ZIC4: variants seen among roughly 807,000 people sequenced by gnomAD.
The protein encoded by ZIC4 is zinc finger protein ZIC 4.
A neutral mutation model predicts 28.8 loss-of-function variants in ZIC4; 15 were observed. The ratio of observed to expected loss-of-function variants is 0.52; its 90% CI spans 0.35 to 0.80. The LOEUF (loss-of-function observed/expected upper bound fraction) is 0.80. ZIC4 is among the 30% of genes least tolerant of loss of function. ZIC4 has a pLI of 0.01. For missense variants in ZIC4, 512 were observed against 467.1 expected (o/e 1.10, Z -0.89); for synonymous variants, 220 against 198.1 (o/e 1.11, Z -0.93).
At position 147,392,118 on chromosome 3, in the gene ZIC4, C is replaced by T. The variant is rs1482613579; in HGVS notation, c.689-872G>A. The T allele has an allele frequency of 1.2e-5, 12 of 985,526 alleles. No homozygotes were observed. The Admixed American group carries it at 4.9e-4, about 40-fold the overall frequency. 61.0% of individuals were successfully genotyped at this position (985,526 alleles called of 1,614,324 possible). Reference sequence around the variant, plus strand: ...TGTCGACCGGTCTGCCCAGACCACCCCCACCTGGCTGTCGGGCCTCTCGGT... The same window carrying T: ...TGTCGACCGGTCTGCCCAGACCACCTCCACCTGGCTGTCGGGCCTCTCGGT... On this transcript the variant is annotated intron_variant, in intron 3 of 4. Transcript: ENST00000383075.
Position 147,387,834 on chromosome 3 carries a change from C to G in ZIC4, c.*1025G>C, listed in dbSNP as rs2086822000. 1 of 152,464 alleles carries G rather than the reference C, an allele frequency of 6.6e-6. No homozygotes were observed. The highest frequency in any genetic ancestry group is 6.5e-5 in the Admixed American group (1 of 15,292). The allele number at this position is 152,464 out of a possible 1,614,324, so 9.4% of individuals were successfully genotyped here. ...AAGGGCACAGTCTGAACTCCTCAGA[C>G]TCCCCCAGGGTGGCTCCCTTCCCCC... On this transcript the variant is annotated 3_prime_UTR_variant, in exon 5 of 5. Transcript: ENST00000383075.
intron 1 of ZIC4, 111 bp from the exon 2 acceptor site, chr3:147,402,923 C>G: frequency 2.3e-6 from 2 of 870,106 alleles, no homozygotes; most frequent in Non-Finnish European, 3.5e-6. Flanking sequence ...ATCTGAAGAT[C>G]TTTCGGTCTT....
chr3:147,396,537 G>T lies in ZIC4; in HGVS notation c.71-68C>A, dbSNP rs1041027386. On this transcript the variant is annotated intron_variant, in intron 2 of 4. Transcript: ENST00000383075. The surrounding 1 kb of genome is among the most constrained non-coding windows in gnomAD (Gnocchi z 4.2). ...GGCTGCGCGCTCTTCCCTGGGCCCC[G>T]GGGGGCAGGCCCAGCCCTGCCGCAC... is the stretch of plus-strand genomic sequence containing the variant. 2.8e-5 allele frequency: 41 copies of T among 1,473,852 alleles called. 1 individual carries two copies. The South Asian group carries it at 5.7e-4, about 21-fold the overall frequency. 91.3% of individuals were successfully genotyped at this position (1,473,852 alleles called of 1,614,324 possible). A position where few individuals can be genotyped will look rare whatever the true frequency, so the allele number is the denominator to read the frequency against.
intron 3 of ZIC4, among the ~76,000 whole-genome samples, chr3:147,393,119 GC>G (rs2086960108): frequency 6.6e-6 from 1 of 151,632 alleles, no homozygotes; most frequent in Non-Finnish European, 1.5e-5. Flanking sequence ...AGAATTTGGT[GC>G]CCCTCCCCAA....
At position 147,395,987 on chromosome 3, in the gene ZIC4, A is replaced by G; in HGVS notation, c.553T>C (p.Phe185Leu). 1 of 1,614,234 alleles carries G rather than the reference A, an allele frequency of 6.2e-7. No homozygotes were observed. The highest frequency in any genetic ancestry group is 8.5e-7 in the Non-Finnish European group (1 of 1,180,058). ...WEECPRQGKP[F>L]KAKYKLVNHI... ...TTTACAAGTTTGTATTTGGCTTTGAAGGGCTTTCCCTGGCGCGGACACTCC... is the reference window on the plus strand; with the variant it reads ...TTTACAAGTTTGTATTTGGCTTTGAGGGGCTTTCCCTGGCGCGGACACTCC... Residue 185 changes from phenylalanine to leucine, a missense_variant, in exon 3 of 5, where the codon TTC (phenylalanine) becomes CTC (leucine). Phe to Leu is a conservative substitution (Grantham distance 22). Around this residue, in one of 3 missense-constraint regions of ZIC4, gnomAD observed 310 missense variants for 256.5 expected, o/e 1.21. Coordinates refer to ENST00000383075, the MANE Select transcript of ZIC4 (RefSeq NM_032153.6).
At chr3:147,390,535 CT>C (rs1559958548) in intron 4 of ZIC4, among the ~76,000 whole-genome samples, 8 of 152,044 alleles carry the variant, frequency 5.3e-5, no homozygotes, top group Admixed American at 1.3e-4. Flanking sequence ...AATTCTCCAA[CT>C]TTTTTTTCCA....
At position 147,386,832 on chromosome 3, in the gene ZIC4, A is replaced by G. The variant is rs1422655849; in HGVS notation, c.*2027T>C. 1.3e-5 allele frequency: 2 copies of G among 152,248 alleles called. No individual in the cohort carries two copies. The highest frequency in any genetic ancestry group is 2.9e-5 in the Non-Finnish European group (2 of 68,050). The allele number at this position is 152,248 out of a possible 1,614,324, so 9.4% of individuals were successfully genotyped here. A position where few individuals can be genotyped will look rare whatever the true frequency, so the allele number is the denominator to read the frequency against. On this transcript the variant is annotated 3_prime_UTR_variant, in exon 5 of 5. Coordinates refer to ENST00000383075, the MANE Select transcript of ZIC4 (RefSeq NM_032153.6). ...AATAAAATATCTCTCTCCTTCAGCT[A>G]TTCTCCTTCTTATTAACGGCAGAAA...
intron 4 of ZIC4, chr3:147,389,247 C>A (rs2086858552): frequency 4.3e-6 from 1 of 231,306 alleles, no homozygotes; most frequent in Non-Finnish European, 8.4e-6. Flanking sequence ...GAAAATAGTT[C>A]CACTCCAGTT....
intron 3 of ZIC4, chr3:147,392,998 C>G (rs1465459355): frequency 6.7e-6 from 1 of 150,344 alleles, no homozygotes; most frequent in African/African-American, 2.5e-5. Flanking sequence ...AAACCCAAAA[C>G]TTTCTTCCTT....
chr3:147,394,994 G>A (rs1038518704), intron 3 of ZIC4, among the ~76,000 whole-genome samples: 1 of 152,204 alleles, frequency 6.6e-6, no homozygotes, highest in African/African-American at 2.4e-5. Flanking sequence ...CAAAATGGGG[G>A]AGGGGAGAAG....
In ZIC4 at chr3:147,388,798, G is replaced by T. The variant is rs2086846569; in HGVS notation, c.*61C>A. On this transcript the variant is annotated 3_prime_UTR_variant, in exon 5 of 5. Coordinates refer to ENST00000383075, the MANE Select transcript of ZIC4 (RefSeq NM_032153.6). ...GCGCGGGCCCTTTGATGTAGCAGGC[G>T]CGAGATGCGGGGCGCTCAGCTGCGC... 1.3e-6 allele frequency: 1 copy of T among 769,172 alleles called. No homozygotes were observed. The highest frequency in any genetic ancestry group is 2.4e-6 in the Non-Finnish European group (1 of 414,610). The allele number at this position is 769,172 out of a possible 1,614,324, so 47.6% of individuals were successfully genotyped here.
At position 147,390,985 on chromosome 3, in the gene ZIC4, G is replaced by C; in HGVS notation, c.950C>G (p.Ser317Cys). 2.5e-6 allele frequency: 4 copies of C among 1,613,138 alleles called. No homozygotes were observed. Among genetic ancestry groups the C allele is most frequent in the Non-Finnish European group, 3.4e-6 (4 of 1,179,792 alleles). ...VSPSSDCGHK[S>C]QVASSAAVAA... The stretch of plus-strand genomic sequence containing the variant: ...CACCGCCGCCGAGGAGGCCACCTGG[G>C]ACTTGTGGCCGCAGTCCGACGAGGG... The change falls in exon 4 of 5, where the codon TCC (serine) becomes TGC (cysteine). Residue 317 changes from serine to cysteine, a missense_variant. This residue lies in a region of ZIC4 where 144 missense variants were observed against 116.8 expected (regional missense o/e 1.23). Transcript: ENST00000383075.
At position 147,388,791 on chromosome 3, in the gene ZIC4, A is replaced by G. The variant is rs200274981; in HGVS notation, c.*68T>C. On this transcript the variant is annotated 3_prime_UTR_variant, in exon 5 of 5. Coordinates refer to ENST00000383075, the MANE Select transcript of ZIC4 (RefSeq NM_032153.6). ...GCTTTGTGCGCGGGCCCTTTGATGT[A>G]GCAGGCGCGAGATGCGGGGCGCTCA... 10 of 766,034 alleles carry G rather than the reference A, an allele frequency of 1.3e-5. No individual in the cohort carries two copies. Among genetic ancestry groups the G allele is most frequent in the South Asian group, 8.4e-5 (6 of 71,512 alleles). The allele number at this position is 766,034 out of a possible 1,614,324, so 47.5% of individuals were successfully genotyped here.
rs2087050849 is a variant in ZIC4 at position 147,396,625 on chromosome 3, A to T, written c.71-156T>A. On this transcript the variant is annotated intron_variant, in intron 2 of 4. Transcript: ENST00000383075. This position sits in a 1 kb window ranked among gnomAD's most constrained non-coding sequence, Gnocchi z 4.2. ...ACAGCGCCAGCAGTGAACCCGGTGG[A>T]CAGAGCAAGGCCAAACACCTCCGCC... The T allele has an allele frequency of 1.0e-6, 1 of 1,002,620 alleles. No homozygotes were observed. The highest frequency in any genetic ancestry group is 3.6e-5 in the Admixed American group (1 of 28,060). 62.1% of individuals were successfully genotyped at this position (1,002,620 alleles called of 1,614,324 possible). A position where few individuals can be genotyped will look rare whatever the true frequency, so the allele number is the denominator to read the frequency against.
At chr3:147,393,020 A>C (rs942424438) in intron 3 of ZIC4, 1 of 84,630 alleles carries the variant, frequency 1.2e-5, no homozygotes, top group Non-Finnish European at 2.8e-5. Flanking sequence ...TTCTCTTTCA[A>C]AAAAAAAAAA....
intron 1 of ZIC4, chr3:147,404,290 G>C: frequency 7.1e-7 from 1 of 1,416,670 alleles, no homozygotes; most frequent in African/African-American, 1.4e-5. Flanking sequence ...TTCTCTCCCA[G>C]GTCCTGTCAG....
chr3:147,394,886 G>A (rs562868604), intron 3 of ZIC4, among the ~76,000 whole-genome samples: 1 of 152,304 alleles, frequency 6.6e-6, no homozygotes, highest in Non-Finnish European at 1.5e-5. Context: ...AAGAATAGGG[G>A]CGAGTAAGGC....
intron 1 of ZIC4, chr3:147,405,386 G>A (rs2087253518): frequency 4.6e-6 from 7 of 1,536,874 alleles, no homozygotes; most frequent in Non-Finnish European, 5.2e-6. Flanking sequence ...GGAATCCAAA[G>A]GGAGTTTCCT....
chr3:147,392,492 G>A (rs1348391820), intron 3 of ZIC4: 2 of 959,366 alleles, frequency 2.1e-6, no homozygotes, highest in South Asian at 4.8e-5. Flanking sequence ...GATTCCTGCC[G>A]GAGCTGCAAG....
Sources: allele counts gnomAD v4.1 joint callset (sites outside exome capture counted in the v4.1 genomes callset), GRCh38; gene constraint gnomAD v4.1.1; regional missense constraint gnomAD v4.1.1; non-coding constraint Gnocchi (gnomAD v3.1); transcripts MANE v1.5; gene names NCBI Gene and HGNC (gene_info 2026-07-23, HGNC 2026-07-21).